The following SDCCAG8 variants were observed in gnomAD, a reference collection of about 807,000 sequenced individuals.
The protein encoded by SDCCAG8 is SHH signaling and ciliogenesis regulator SDCCAG8.
In SDCCAG8, 74 loss-of-function variants were observed where a neutral mutation model predicts 101.8. The observed-to-expected ratio is 0.73, with a 90% CI of 0.60 to 0.88. The LOEUF (loss-of-function observed/expected upper bound fraction) is 0.88, where lower values mean the gene tolerates loss of function less well. Ranked by LOEUF, SDCCAG8 falls within the 40% of genes least tolerant of loss-of-function variation. SDCCAG8 has a pLI of 0.00. For missense variants in SDCCAG8, 787 were observed against 822.6 expected, an observed-to-expected ratio of 0.96 and a Z score of 0.53; for synonymous variants, 281 against 292.9, an observed-to-expected ratio of 0.96 and a Z score of 0.41.
At chr1:243,289,881 C>T (rs1219264851) in intron 5 of SDCCAG8, among the ~76,000 whole-genome samples, 1 of 151,994 alleles carries the variant, frequency 6.6e-6, no homozygotes, top group East Asian at 1.9e-4. Flanking sequence ...TTGTCTCCTG[C>T]TTGTAGCCCT....
At chr1:243,276,468 G>A (rs995084521) in intron 4 of SDCCAG8, among the ~76,000 whole-genome samples, 1 of 152,146 alleles carries the variant, frequency 6.6e-6, no homozygotes, top group Non-Finnish European at 1.5e-5. Context: ...TGTTTATTTA[G>A]TTAATGGACT....
intron 12 of SDCCAG8, among the ~76,000 whole-genome samples, chr1:243,345,026 A>G (rs2147793504): frequency 6.6e-6 from 1 of 152,260 alleles, no homozygotes; most frequent in African/African-American, 2.4e-5. Context: ...GAAGGTTTTC[A>G]TTCTTTGTAT....
At chr1:243,256,309 G>C in intron 1 of SDCCAG8, 69 bp downstream of exon 1, 1 of 1,347,962 alleles carries the variant, frequency 7.4e-7, no homozygotes, top group Non-Finnish European at 1.1e-6. Context: ...AGCAGACCAG[G>C]TGCGTTTCCT....
intron 4 of SDCCAG8, among the ~76,000 whole-genome samples, chr1:243,276,670 G>T (rs1251220567): frequency 2.0e-5 from 3 of 152,058 alleles, no homozygotes; most frequent in African/African-American, 4.8e-5. Flanking sequence ...CTCTCAGTTT[G>T]CATTAGCTTT....
intron 1 of SDCCAG8, among the ~76,000 whole-genome samples, chr1:243,261,613 C>T (rs983272781): frequency 6.6e-6 from 1 of 152,170 alleles, no homozygotes; most frequent in African/African-American, 2.4e-5. Context: ...GTGTATTAGC[C>T]AGCAGTGATA....
chr1:243,352,392 A>C (rs1290116636), intron 12 of SDCCAG8, among the ~76,000 whole-genome samples: 1 of 152,194 alleles, frequency 6.6e-6, no homozygotes, highest in Non-Finnish European at 1.5e-5. Flanking sequence ...AGTGGATGAC[A>C]TGTGTTTTGG....
intron 12 of SDCCAG8, among the ~76,000 whole-genome samples, chr1:243,358,821 A>G (rs1028266706): frequency 6.6e-6 from 1 of 152,230 alleles, no homozygotes; most frequent in African/African-American, 2.4e-5. Context: ...GTAGACTTAC[A>G]ATTGAAAACA....
chr1:243,469,883 A>T (rs1660886138), intron 16 of SDCCAG8, among the ~76,000 whole-genome samples: 1 of 142,890 alleles, frequency 7.0e-6, no homozygotes. Flanking sequence ...CTCATCTATT[A>T]AACTGGAATA....
At position 243,304,753 on chromosome 1, in the gene SDCCAG8, A is replaced by T; in HGVS notation, c.716A>T (p.Glu239Val). The T allele has an allele frequency of 6.3e-7, 1 of 1,594,776 alleles. No homozygotes were observed. The highest frequency in any genetic ancestry group is 8.6e-7 in the Non-Finnish European group (1 of 1,162,610). Residue 239 changes from glutamate to valine, a missense_variant, in exon 7 of 18, where the codon GAG becomes GTG. Glu to Val is a moderately radical substitution (Grantham distance 121, BLOSUM62 -2). Coordinates refer to ENST00000366541, the MANE Select transcript of SDCCAG8 (RefSeq NM_006642.5). ...KLTYEEKCEI[E>V]ESQLKFLRND... ...ACTTATGAGGAAAAGTGTGAAATTG[A>T]GGAATCCCAATTGAAGTTTTTGAGG...
chr1:243,463,429 A>C (rs948671200), intron 16 of SDCCAG8, among the ~76,000 whole-genome samples: 2 of 151,602 alleles, frequency 1.3e-5, no homozygotes, highest in African/African-American at 4.9e-5. Flanking sequence ...GAAGAAGCAC[A>C]TGACTTCTGG....
chr1:243,318,978 G>A (rs2073512059), intron 9 of SDCCAG8, among the ~76,000 whole-genome samples: 1 of 152,126 alleles, frequency 6.6e-6, no homozygotes, highest in Non-Finnish European at 1.5e-5. Flanking sequence ...GGCTCATGTT[G>A]TGCAGGCTGC....
Position 243,256,203 on chromosome 1 carries a change from G to T in SDCCAG8, c.30G>T (p.Leu10=), listed in dbSNP as rs1429971062. The T allele has an allele frequency of 1.2e-6, 2 of 1,614,204 alleles. No homozygotes were observed. The highest frequency in any genetic ancestry group is 8.5e-7 in the Non-Finnish European group (1 of 1,180,024). Residue 10 remains leucine, a synonymous_variant, in exon 1 of 18, where the codon CTG becomes CTT. Transcript: ENST00000366541. MAKSPENST[L]EEILGQYQRS... The stretch of plus-strand genomic sequence containing the variant: ...CGAAGTCCCCGGAGAACTCTACCCT[G>T]GAGGAGATTCTGGGGCAGTATCAAC...
rs375913614 is a variant in SDCCAG8, at chr1:243,323,188, T to C, written c.1068+6295T>C. 5.3e-5 allele frequency among the ~76,000 whole-genome samples: 8 copies of C among 152,000 alleles called. No homozygotes were observed. In the East Asian group the frequency reaches 1.5e-3, roughly 29 times the overall value. On this transcript the variant is annotated intron_variant, in intron 9 of 17. Transcript: ENST00000366541. ...CCACTGAAGAGTAATACTAGTCACC[T>C]TCAGTGGTTGTAGGTACTGTTGAAC...
intron 10 of SDCCAG8, among the ~76,000 whole-genome samples, chr1:243,337,820 T>C (rs1207466903): frequency 6.6e-6 from 1 of 152,202 alleles, no homozygotes; most frequent in Non-Finnish European, 1.5e-5. Flanking sequence ...AGCCCAGCTT[T>C]ACCTTTTACT....
chr1:243,364,639 T>G (rs747161547), intron 12 of SDCCAG8, among the ~76,000 whole-genome samples: 2 of 152,196 alleles, frequency 1.3e-5, no homozygotes, highest in South Asian at 2.1e-4. Flanking sequence ...TTTTCTCAGT[T>G]GTTTGAAGTT....
At chr1:243,495,332 G>T (rs1370126023) in intron 17 of SDCCAG8, among the ~76,000 whole-genome samples, 3 of 152,210 alleles carry the variant, frequency 2.0e-5, no homozygotes, top group Admixed American at 2.0e-4. Context: ...CCTTCTCTGT[G>T]GATACCTTTC....
rs139790429 is a variant in SDCCAG8 at position 243,370,461 on chromosome 1, A to C, written c.1474-8260A>C. Among the ~76,000 whole-genome samples, 634 of 152,234 alleles carry C rather than the reference A, an allele frequency of 4.2e-3. 5 individuals are homozygous for C. Among genetic ancestry groups the C allele is most frequent in the African/African-American group, 0.014 (575 of 41,556 alleles). ...TTAAACCTGTCCCAAAAAAGTAGAGATATCACCTGAACTCATTTTTGTAAA... is the reference window on the plus strand; with the variant it reads ...TTAAACCTGTCCCAAAAAAGTAGAGCTATCACCTGAACTCATTTTTGTAAA... On this transcript the variant is annotated intron_variant, in intron 12 of 17. Coordinates refer to ENST00000366541, the MANE Select transcript of SDCCAG8 (RefSeq NM_006642.5).
chr1:243,323,723 A>G (rs2073939795), intron 9 of SDCCAG8, among the ~76,000 whole-genome samples: 1 of 152,120 alleles, frequency 6.6e-6, no homozygotes, highest in African/African-American at 2.4e-5. Flanking sequence ...GCCTGATTTT[A>G]TGTTACTGAA....
intron 16 of SDCCAG8, among the ~76,000 whole-genome samples, chr1:243,469,830 G>GTTT (rs746906257): frequency 0.014 from 1,743 of 123,484 alleles, 67 homozygotes; most frequent in African/African-American, 0.052. Flanking sequence ...GAAAGTGTTG[G>GTTT]TTTTTTTTTT....
Sources: gnomAD v4.1 joint callset for allele counts (sites outside exome capture counted in the v4.1 genomes callset) on GRCh38, gnomAD v4.1.1 for gene constraint, MANE v1.5 for transcripts, NCBI Gene and HGNC (gene_info 2026-07-23, HGNC 2026-07-21) for gene names.